PRH1: variants seen among roughly 807,000 people sequenced by gnomAD.
PRH1 encodes proline rich protein HaeIII subfamily 1.
In PRH1, 7 loss-of-function variants were observed where a neutral mutation model predicts 7.9. That is an observed-to-expected ratio of 0.89 (90% CI 0.50 to 1.67). The LOEUF is 1.67. PRH1 is among the 40% of genes most tolerant of loss of function. The pLI is 0.00. For synonymous variants in PRH1, 45 were observed against 80.8 expected, an observed-to-expected ratio of 0.56 and a Z score of 2.38; for missense variants, 109 against 223.6, an observed-to-expected ratio of 0.49 and a Z score of 3.27.
rs1944954951 is a variant in PRH1, at chr12:11,092,432, A to T, written n.124-45244T>A. ...AAGAGAGAAAGGACAAAGCTTCCAC[A>T]GAGTGAAAGGCAACCCAGGTAGGTT... On this transcript the variant is annotated intron_variant and non_coding_transcript_variant, in intron 1 of 4. Transcript: ENST00000541977. The T allele has an allele frequency of 6.3e-6, 2 of 318,378 alleles. 1 individual carries two copies. Among genetic ancestry groups the T allele is most frequent in the South Asian group, 6.3e-5 (2 of 31,774 alleles). 19.7% of individuals were successfully genotyped at this position (318,378 alleles called of 1,614,324 possible). A position where few individuals can be genotyped will look rare whatever the true frequency, so the allele number is the denominator to read the frequency against.
intron 2 of PRH1, among the ~76,000 whole-genome samples, chr12:10,927,572 C>T (rs1254249025): frequency 6.6e-6 from 1 of 152,222 alleles, no homozygotes; most frequent in East Asian, 1.9e-4. Context: ...GCCTGGGTCC[C>T]TTATGAGAAC....
chr12:10,936,093 C>T (rs750131071), intron 2 of PRH1, among the ~76,000 whole-genome samples: 1 of 152,006 alleles, frequency 6.6e-6, no homozygotes, highest in African/African-American at 2.4e-5. Flanking sequence ...AAAGCTAGAA[C>T]TCACTTCAGA....
intron 1 of PRH1, among the ~76,000 whole-genome samples, chr12:11,005,668 A>G (rs1940792563): frequency 6.6e-6 from 1 of 152,022 alleles, no homozygotes; most frequent in African/African-American, 2.4e-5. Context: ...GGATGGGAGG[A>G]ATTATTGTGC....
intron 2 of PRH1, among the ~76,000 whole-genome samples, chr12:10,954,422 C>T (rs1937848821): frequency 6.6e-6 from 1 of 152,114 alleles, no homozygotes; most frequent in Non-Finnish European, 1.5e-5. Flanking sequence ...AAAAATCTAC[C>T]AAGCAAATGG....
intron 1 of PRH1, among the ~76,000 whole-genome samples, chr12:11,024,310 A>C (rs1007189691): frequency 1.3e-5 from 2 of 152,224 alleles, no homozygotes; most frequent in African/African-American, 4.8e-5. Flanking sequence ...TGTCATAAAC[A>C]CTCATGTAAC....
At chr12:11,105,831 A>C (rs954060005) in intron 1 of PRH1, among the ~76,000 whole-genome samples, 1 of 152,192 alleles carries the variant, frequency 6.6e-6, no homozygotes, top group Admixed American at 6.5e-5. Flanking sequence ...TGTAGAGTGA[A>C]TCCAAACTTT....
At chr12:11,031,834 T>A (rs575507084) in intron 1 of PRH1, among the ~76,000 whole-genome samples, 13 of 152,184 alleles carry the variant, frequency 8.5e-5, no homozygotes, top group Non-Finnish European at 1.3e-4. Flanking sequence ...AAGTCCCCAC[T>A]CGATTCAGAA....
At chr12:10,990,083 G>A (rs10772403) in intron 1 of PRH1, among the ~76,000 whole-genome samples, 46,240 of 151,890 alleles carry the variant, frequency 0.3, 8,869 homozygotes, top group East Asian at 0.74. Context: ...ATATTACAGA[G>A]CTATAGTAAC....
intron 1 of PRH1, among the ~76,000 whole-genome samples, chr12:11,090,164 C>A (rs1565642905): frequency 8.6e-6 from 1 of 115,894 alleles, no homozygotes; most frequent in African/African-American, 2.9e-5. Context: ...TATGTCAACA[C>A]CCTTTCATTT....
intron 1 of PRH1, among the ~76,000 whole-genome samples, chr12:11,023,077 T>G (rs1288609596): frequency 6.6e-6 from 1 of 152,204 alleles, no homozygotes. Context: ...AATATGGACT[T>G]ATTTTTATGC....
At chr12:10,953,473 A>G (rs993335014) in intron 2 of PRH1, among the ~76,000 whole-genome samples, 1 of 152,218 alleles carries the variant, frequency 6.6e-6, no homozygotes, top group Non-Finnish European at 1.5e-5. Flanking sequence ...TACTAATGCA[A>G]GTGTTAACAA....
At chr12:11,007,787 G>A (rs1940894764) in intron 1 of PRH1, among the ~76,000 whole-genome samples, 1 of 151,970 alleles carries the variant, frequency 6.6e-6, no homozygotes, top group Non-Finnish European at 1.5e-5. Context: ...GAATGAGAAT[G>A]AGATCACCCC....
chr12:11,004,690 A>ATT (rs1028145370), intron 1 of PRH1, among the ~76,000 whole-genome samples: 8 of 151,890 alleles, frequency 5.3e-5, no homozygotes, highest in Non-Finnish European at 1.0e-4. Context: ...AATTTTTCTA[A>ATT]TTTTTTCTTG....
At chr12:11,171,575 A>C, upstream of PRH1, 1 of 1,231,792 alleles carries the variant, frequency 8.1e-7, no homozygotes, top group Non-Finnish European at 1.0e-6. Context: ...GCCATGACTA[A>C]GCTAACGGCC....
At chr12:11,068,138 G>A (rs1212457178) in intron 1 of PRH1, among the ~76,000 whole-genome samples, 1 of 151,996 alleles carries the variant, frequency 6.6e-6, no homozygotes, top group Non-Finnish European at 1.5e-5. Flanking sequence ...ACCTTGGTCA[G>A]AAAATAGAAT....
At chr12:10,955,685 C>G (rs534373363) in intron 2 of PRH1, among the ~76,000 whole-genome samples, 1 of 151,592 alleles carries the variant, frequency 6.6e-6, no homozygotes, top group Non-Finnish European at 1.5e-5. Context: ...CCTAACCAGA[C>G]TAATAAAGAA....
intron 1 of PRH1, among the ~76,000 whole-genome samples, chr12:10,981,518 T>G (rs1392986864): frequency 6.6e-6 from 1 of 151,326 alleles, no homozygotes; most frequent in East Asian, 2.0e-4. Flanking sequence ...GGATTACAGG[T>G]GCAACACCAC....
intron 1 of PRH1, among the ~76,000 whole-genome samples, chr12:11,100,803 T>C (rs1198322565): frequency 6.6e-6 from 1 of 152,170 alleles, no homozygotes; most frequent in Non-Finnish European, 1.5e-5. Flanking sequence ...TTATTTTTTA[T>C]ACCTTAAAAA....
At chr12:11,063,090 T>C (rs1013467207) in intron 1 of PRH1, among the ~76,000 whole-genome samples, 2 of 152,128 alleles carry the variant, frequency 1.3e-5, no homozygotes, top group African/African-American at 2.4e-5. Context: ...ATAATATTTA[T>C]TTATCAAACA....
Sources: allele counts gnomAD v4.1 joint callset (sites outside exome capture counted in the v4.1 genomes callset), GRCh38; gene constraint gnomAD v4.1.1; transcripts MANE v1.5; gene names NCBI Gene and HGNC (gene_info 2026-07-23, HGNC 2026-07-21).